The following PSD3 variants were observed in gnomAD, a reference collection of about 807,000 sequenced individuals.
PSD3 encodes PH and SEC7 domain-containing protein 3.
A neutral mutation model predicts 105.5 loss-of-function variants in PSD3; 49 were observed. The ratio of observed to expected loss-of-function variants is 0.46; its 90% CI spans 0.37 to 0.59. PSD3 has a LOEUF of 0.59. Among genes scored for constraint, PSD3 ranks in the 20% least tolerant of loss-of-function variants. The probability of loss-of-function intolerance (pLI) is 0.00; values close to 1 mark genes in which losing one functional copy is unlikely to be tolerated. For synonymous variants in PSD3, 557 were observed against 457.8 expected (o/e 1.22, Z -2.77); for missense variants, 1,561 against 1,263.8 (o/e 1.24, Z -3.57).
intron 2 of PSD3, among the ~76,000 whole-genome samples, chr8:18,921,134 T>C (rs940824082): frequency 6.6e-6 from 1 of 152,226 alleles, no homozygotes; most frequent in African/African-American, 2.4e-5. Flanking sequence ...AACAATCAAA[T>C]TGCATTTTCC....
intron 1 of PSD3, among the ~76,000 whole-genome samples, chr8:18,949,793 C>T (rs1304287157): frequency 1.3e-5 from 2 of 152,096 alleles, no homozygotes; most frequent in South Asian, 2.1e-4. Flanking sequence ...AGCATAAGGT[C>T]CTGAAAATAT....
At chr8:18,750,172 TA>T (rs1468134407) in intron 9 of PSD3, among the ~76,000 whole-genome samples, 1 of 152,228 alleles carries the variant, frequency 6.6e-6, no homozygotes, top group African/African-American at 2.4e-5. Flanking sequence ...CAGTGGGCAT[TA>T]GAACTGTGTC....
At chr8:18,661,568 T>A (rs1235652315) in intron 9 of PSD3, among the ~76,000 whole-genome samples, 1 of 152,212 alleles carries the variant, frequency 6.6e-6, no homozygotes, top group Non-Finnish European at 1.5e-5. Context: ...AACTGCACTA[T>A]CTCTCACTAT....
At chr8:19,068,696 C>T (rs1829156824) in intron 1 of PSD3, among the ~76,000 whole-genome samples, 1 of 151,626 alleles carries the variant, frequency 6.6e-6, no homozygotes. Context: ...AGCAACATGG[C>T]ACATGTATAC....
intron 1 of PSD3, among the ~76,000 whole-genome samples, chr8:19,051,353 T>C (rs1178780293): frequency 1.3e-5 from 2 of 152,232 alleles, no homozygotes; most frequent in East Asian, 3.9e-4. Context: ...CATACTCTCA[T>C]ATGACTCAGT....
chr8:18,601,016 T>C (rs775739305), intron 11 of PSD3, among the ~76,000 whole-genome samples: 2 of 152,232 alleles, frequency 1.3e-5, no homozygotes, highest in Non-Finnish European at 2.9e-5. Context: ...ACTATTTTCG[T>C]CTAAATGTCT....
Position 18,872,241 on chromosome 8 carries a change from C to T in PSD3, c.623G>A (p.Ser208Asn), listed in dbSNP as rs1180260813. The T allele has an allele frequency of 1.9e-6, 3 of 1,614,238 alleles. No individual in the cohort carries two copies. The highest frequency in any genetic ancestry group is 2.5e-6 in the Non-Finnish European group (3 of 1,180,032). ...ATCTTTCTGGATGCTCAAATAAAAA[C>T]TTTCCTCCGTTGTTACTTCAGCTGA... ...PLSAEVTTEE[S>N]FYLSIQKDLT... The change falls in exon 3 of 16, where the codon AGT becomes AAT. Residue 208 changes from serine to asparagine, a missense_variant. Physicochemically the swap from Ser to Asn is conservative, Grantham distance 46 (BLOSUM62 1). Transcript: ENST00000327040.
chr8:18,606,307 A>C (rs1004809020), intron 11 of PSD3, among the ~76,000 whole-genome samples: 1 of 152,050 alleles, frequency 6.6e-6, no homozygotes, highest in Non-Finnish European at 1.5e-5. Context: ...TTTTATCTTC[A>C]GTACTGGTAG....
At chr8:18,990,138 T>A (rs965551816) in intron 1 of PSD3, among the ~76,000 whole-genome samples, 2 of 152,214 alleles carry the variant, frequency 1.3e-5, no homozygotes, top group Non-Finnish European at 2.9e-5. Flanking sequence ...AAAAGCTCAC[T>A]GATTAATCCC....
chr8:18,820,956 C>T (rs1374651041), intron 4 of PSD3, among the ~76,000 whole-genome samples: 1 of 152,078 alleles, frequency 6.6e-6, no homozygotes, highest in African/African-American at 2.4e-5. Flanking sequence ...CATGATGTTG[C>T]CCAAGCTAGT....
At chr8:18,753,773 T>G (rs538376805) in intron 9 of PSD3, among the ~76,000 whole-genome samples, 87 of 152,254 alleles carry the variant, frequency 5.7e-4, no homozygotes, top group African/African-American at 1.9e-3. Context: ...TATTTCACAC[T>G]CCCTGTCTCC....
chr8:19,024,855 A>G (rs1313491897), intron 1 of PSD3, among the ~76,000 whole-genome samples: 1 of 152,142 alleles, frequency 6.6e-6, no homozygotes, highest in Non-Finnish European at 1.5e-5. Context: ...CCCCTGTCCT[A>G]TGCATTCCTT....
chr8:18,666,156 T>G (rs553039596), intron 9 of PSD3, among the ~76,000 whole-genome samples: 12 of 152,298 alleles, frequency 7.9e-5, no homozygotes, highest in African/African-American at 2.4e-4. Context: ...GTTCAAGTGG[T>G]TCTCTTGCCT....
At chr8:18,826,605 T>C (rs1813204815) in intron 4 of PSD3, among the ~76,000 whole-genome samples, 1 of 152,232 alleles carries the variant, frequency 6.6e-6, no homozygotes, top group Admixed American at 6.5e-5. Flanking sequence ...GAAAGAGTCA[T>C]ATTACCTACA....
At chr8:18,857,324 T>G (rs1045953922) in intron 4 of PSD3, among the ~76,000 whole-genome samples, 5 of 152,140 alleles carry the variant, frequency 3.3e-5, no homozygotes, top group Admixed American at 2.6e-4. Context: ...CCTGGGAATG[T>G]GTTAAAATGC....
rs1554513425 is a variant in PSD3 at position 18,821,717 on chromosome 8, A to ACACACC, written c.1635-16820_1635-16819insGGTGTG. Among the ~76,000 whole-genome samples the ACACACC allele has an allele frequency of 7.9e-3, 1,111 of 141,168 alleles. 24 individuals are homozygous for ACACACC. The highest frequency in any genetic ancestry group is 0.047 in the Admixed American group (654 of 14,056). The allele number at this position is 141,168 out of a possible 152,430, so 92.6% of individuals were successfully genotyped here. A position where few individuals can be genotyped will look rare whatever the true frequency, so the allele number is the denominator to read the frequency against. On this transcript the variant is annotated intron_variant, in intron 4 of 15. Transcript: ENST00000327040. ...CACACACACACACACACACACACACACCCCAATAACAAAGCTCCAATTCCA... is the reference window on the plus strand; with the variant it reads ...CACACACACACACACACACACACACACACACCCCCCAATAACAAAGCTCCAATTCCA...
At chr8:18,845,917 G>A (rs988904636) in intron 4 of PSD3, among the ~76,000 whole-genome samples, 1 of 152,208 alleles carries the variant, frequency 6.6e-6, no homozygotes, top group Non-Finnish European at 1.5e-5. Flanking sequence ...TTGACCAATA[G>A]CATGAATAAT....
rs557027106 is a variant in PSD3, at chr8:18,708,751, T to C, written c.2173-53066A>G. ...CTCCCACCCAGAGGAACAAAAACAG[T>C]GAGTGAATCCTGCACCTTCAGCTGA... On this transcript the variant is annotated intron_variant, in intron 9 of 15. Transcript: ENST00000327040. Among the ~76,000 whole-genome samples the C allele has an allele frequency of 3.4e-5, 5 of 149,226 alleles. No homozygotes were observed. In the East Asian group the frequency reaches 1.0e-3, roughly 30 times the overall value.
chr8:18,939,411 A>ACAG (rs550541516), intron 1 of PSD3, among the ~76,000 whole-genome samples: 27 of 152,336 alleles, frequency 1.8e-4, no homozygotes, highest in Non-Finnish European at 4.0e-4. Context: ...ATATCATCTA[A>ACAG]CAGTTACTAC....
Sources: allele counts gnomAD v4.1 joint callset (sites outside exome capture counted in the v4.1 genomes callset), GRCh38; gene constraint gnomAD v4.1.1; transcripts MANE v1.5; gene names NCBI Gene and HGNC (gene_info 2026-07-23, HGNC 2026-07-21).